DACH2: variants seen among roughly 807,000 people sequenced by gnomAD.
DACH2 encodes the protein dachshund family transcription factor 2.
In DACH2, 17 loss-of-function variants were observed where a neutral mutation model predicts 35.8. The ratio of observed to expected loss-of-function variants is 0.48; its 90% CI spans 0.33 to 0.71. The LOEUF is 0.71. DACH2 is among the 30% of genes least tolerant of loss of function. DACH2 has a pLI of 0.02. For synonymous variants in DACH2, 195 were observed against 177.3 expected, an observed-to-expected ratio of 1.10 and a Z score of -0.79; for missense variants, 469 against 472.7, an observed-to-expected ratio of 0.99 and a Z score of 0.07.
At chrX:86,815,358 T>G (rs1055354259) in intron 10 of DACH2, among the ~76,000 whole-genome samples, 1 of 110,854 alleles carries the variant, frequency 9.0e-6, no homozygotes, top group Admixed American at 9.7e-5. Flanking sequence ...TCTGCTTCCA[T>G]TTTTAATTCT....
chrX:86,436,383 TAGAG>T (rs57802116), intron 2 of DACH2, among the ~76,000 whole-genome samples: 4 of 97,854 alleles, frequency 4.1e-5, no homozygotes, highest in East Asian at 3.4e-4. Flanking sequence ...TATATATATA[TAGAG>T]AGAGAGAGAG....
At chrX:86,775,237 T>A (rs1019349106) in intron 7 of DACH2, among the ~76,000 whole-genome samples, 1 of 111,010 alleles carries the variant, frequency 9.0e-6, no homozygotes, top group Non-Finnish European at 1.9e-5. Context: ...TGTGTTTAAA[T>A]AGAGTGAAGA....
At chrX:86,411,740 G>A (rs940918767) in intron 2 of DACH2, among the ~76,000 whole-genome samples, 12 of 111,598 alleles carry the variant, frequency 1.1e-4, no homozygotes, top group South Asian at 7.6e-4. Context: ...GAATACTCAC[G>A]AAAATTACAG....
At position 86,562,623 on chromosome X, in the gene DACH2, C is replaced by T. The variant is rs185125090; in HGVS notation, c.640+48232C>T. 4.8e-3 allele frequency among the ~76,000 whole-genome samples: 533 copies of T among 111,689 alleles called. 1 individual carries two copies. Among genetic ancestry groups the T allele is most frequent in the South Asian group, 8.5e-3 (23 of 2,706 alleles). Reference sequence around the variant, plus strand: ...AATTCACCAAATTAAGGTTTTCTCTCTGTGTGTGCATACAGATATTTTGTG... The same window carrying T: ...AATTCACCAAATTAAGGTTTTCTCTTTGTGTGTGCATACAGATATTTTGTG... On this transcript the variant is annotated intron_variant, in intron 3 of 11. Coordinates refer to ENST00000373125, the MANE Select transcript of DACH2 (RefSeq NM_053281.3).
intron 1 of DACH2, among the ~76,000 whole-genome samples, chrX:86,215,591 A>G (rs928626024): frequency 9.2e-6 from 1 of 108,192 alleles, no homozygotes; most frequent in Admixed American, 9.7e-5. Context: ...TCTACCAGTT[A>G]CCTAGTTTCC....
chrX:86,418,548 A>G (rs1242128965), intron 2 of DACH2, among the ~76,000 whole-genome samples: 1 of 111,908 alleles, frequency 8.9e-6, no homozygotes, highest in Non-Finnish European at 1.9e-5. Context: ...TCCCAGCTCT[A>G]TGTTGGCCCA....
At chrX:86,390,927 C>A (rs997716217) in intron 2 of DACH2, among the ~76,000 whole-genome samples, 1 of 110,362 alleles carries the variant, frequency 9.1e-6, no homozygotes, top group African/African-American at 3.3e-5. Flanking sequence ...AGTAAACCTC[C>A]TCTCTTGGTT....
intron 1 of DACH2, among the ~76,000 whole-genome samples, chrX:86,308,249 C>T (rs1361758146): frequency 1.8e-5 from 2 of 112,352 alleles, no homozygotes; most frequent in Non-Finnish European, 3.8e-5. Flanking sequence ...TATTAGGTTC[C>T]CTAAAGGTGG....
intron 7 of DACH2, among the ~76,000 whole-genome samples, chrX:86,790,924 T>G (rs1406325971): frequency 1.8e-5 from 2 of 111,893 alleles, no homozygotes; most frequent in Non-Finnish European, 3.8e-5. Context: ...TAATGTAAAT[T>G]TTCAATTAAC....
chrX:86,573,033 G>A (rs1412232192), intron 3 of DACH2, among the ~76,000 whole-genome samples: 1 of 110,846 alleles, frequency 9.0e-6, no homozygotes, highest in African/African-American at 3.3e-5. Flanking sequence ...TGAGTTCTAG[G>A]GCTTGGAGCA....
intron 3 of DACH2, among the ~76,000 whole-genome samples, chrX:86,637,161 T>C (rs2040278025): frequency 1.3e-5 from 1 of 75,257 alleles, no homozygotes; most frequent in Non-Finnish European, 2.3e-5. Context: ...AAAACCACAA[T>C]GACATACCAC....
chrX:86,783,406 C>A (rs1287142285), intron 7 of DACH2, among the ~76,000 whole-genome samples: 1 of 111,944 alleles, frequency 8.9e-6, no homozygotes, highest in Non-Finnish European at 1.9e-5. Flanking sequence ...AGCAGTCCTG[C>A]TGCTGGGTAT....
chrX:86,257,924 A>T (rs2033554754), intron 1 of DACH2, among the ~76,000 whole-genome samples: 1 of 111,622 alleles, frequency 9.0e-6, no homozygotes, highest in South Asian at 3.7e-4. Context: ...TTTGGTTAGA[A>T]TCACCACAGA....
At position 86,768,389 on chromosome X, in the gene DACH2, T is replaced by C. The variant is rs2041956009; in HGVS notation, c.1240+28507T>C. Among the ~76,000 whole-genome samples the C allele has an allele frequency of 2.7e-5, 3 of 111,959 alleles. No homozygotes were observed. The Admixed American group carries it at 2.9e-4, about 11-fold the overall frequency. On this transcript the variant is annotated intron_variant, in intron 7 of 11. Transcript: ENST00000373125. The stretch of plus-strand genomic sequence containing the variant: ...TGTGTGGATAATTAAGAATCGGCTT[T>C]ATAATATATCACAATGAATATTTTC...
intron 4 of DACH2, among the ~76,000 whole-genome samples, chrX:86,654,180 T>C (rs2040511774): frequency 1.3e-5 from 1 of 76,157 alleles, no homozygotes; most frequent in Non-Finnish European, 2.4e-5. Flanking sequence ...CTCCCAAACA[T>C]TTTTAGTAAA....
At chrX:86,195,934 C>A (rs914114884) in intron 1 of DACH2, among the ~76,000 whole-genome samples, 1 of 111,635 alleles carries the variant, frequency 9.0e-6, no homozygotes, top group Non-Finnish European at 1.9e-5. Flanking sequence ...AAAAACCCAT[C>A]CAAAGGGCAG....
intron 4 of DACH2, among the ~76,000 whole-genome samples, chrX:86,674,156 CTCTAT>C (rs2040801118): frequency 8.9e-6 from 1 of 112,292 alleles, no homozygotes; most frequent in Admixed American, 9.4e-5. Context: ...CTTTGATTTT[CTCTAT>C]TCTCTTTGGT....
chrX:86,647,257 T>C (rs937318901), intron 3 of DACH2, among the ~76,000 whole-genome samples: 10 of 110,833 alleles, frequency 9.0e-5, no homozygotes, highest in Admixed American at 5.8e-4. Context: ...ATAGCCAATA[T>C]ATTAAAAACC....
At chrX:86,813,316 T>C in intron 9 of DACH2, 39 bp downstream of exon 9, 1 of 1,120,027 alleles carries the variant, frequency 8.9e-7, no homozygotes, top group Non-Finnish European at 1.2e-6. Flanking sequence ...GAATATTATG[T>C]TGGGGGTATT....
Sources: allele counts gnomAD v4.1 joint callset (sites outside exome capture counted in the v4.1 genomes callset), GRCh38; gene constraint gnomAD v4.1.1; transcripts MANE v1.5; gene names NCBI Gene and HGNC (gene_info 2026-07-23, HGNC 2026-07-21).